The following NRCAM variants were observed in gnomAD, a reference collection of about 807,000 sequenced individuals.
The protein encoded by NRCAM is NgCAM-related cell adhesion molecule.
NRCAM carries 83 observed loss-of-function variants against 156.5 expected under a neutral mutation model. That is an observed-to-expected ratio of 0.53 (90% CI 0.44 to 0.64). The LOEUF is 0.64. Among genes scored for constraint, NRCAM ranks in the 30% least tolerant of loss-of-function variants. The probability of loss-of-function intolerance (pLI) is 0.00; values close to 1 mark genes in which losing one functional copy is unlikely to be tolerated. For synonymous variants in NRCAM, 538 were observed against 563.9 expected (o/e 0.95, Z 0.65); for missense variants, 1,417 against 1,597.3 (o/e 0.89, Z 1.92).
chr7:108,365,822 G>A (rs1046514560), intron 2 of NRCAM, among the ~76,000 whole-genome samples: 1 of 148,078 alleles, frequency 6.8e-6, no homozygotes, highest in Non-Finnish European at 1.5e-5. Flanking sequence ...TTATTTGTGG[G>A]ATTTTTTTGG....
chr7:108,436,929 G>C (rs1832919019), intron 1 of NRCAM, among the ~76,000 whole-genome samples: 1 of 152,148 alleles, frequency 6.6e-6, no homozygotes, highest in Non-Finnish European at 1.5e-5. Flanking sequence ...ATACCCAAAA[G>C]AAAGGAAATC....
chr7:108,236,385 G>C (rs2095004385), intron 5 of NRCAM, among the ~76,000 whole-genome samples: 1 of 151,984 alleles, frequency 6.6e-6, no homozygotes, highest in East Asian at 1.9e-4. Context: ...CCTTCCCTTT[G>C]GAATATCCCA....
chr7:108,281,725 T>C (rs1026476352), intron 3 of NRCAM, among the ~76,000 whole-genome samples: 2 of 152,172 alleles, frequency 1.3e-5, no homozygotes, highest in African/African-American at 4.8e-5. Context: ...ATGAGATGGC[T>C]GCCAAGCTTG....
At chr7:108,355,605 T>A (rs1297175457) in intron 2 of NRCAM, among the ~76,000 whole-genome samples, 2 of 152,234 alleles carry the variant, frequency 1.3e-5, no homozygotes, top group African/African-American at 4.8e-5. Flanking sequence ...TTAAATGGCA[T>A]GTCATTCTGA....
chr7:108,251,887 G>A (rs978510098), intron 3 of NRCAM, among the ~76,000 whole-genome samples: 2 of 152,162 alleles, frequency 1.3e-5, no homozygotes, highest in Admixed American at 6.5e-5. Context: ...TGGCAGAAGT[G>A]AGCTATGATT....
Position 108,198,028 on chromosome 7 carries a change from T to C in NRCAM, c.1279A>G (p.Ser427Gly), listed in dbSNP as rs1250692917. 1.9e-6 allele frequency: 3 copies of C among 1,602,540 alleles called. No homozygotes were observed. The change falls in exon 14 of 33, where the codon AGT becomes GGT. Residue 427 changes from serine (S) to glycine (G), a missense_variant. Physicochemically the swap from Ser to Gly is moderately conservative, Grantham distance 56 (BLOSUM62 0). Coordinates refer to ENST00000379028, the MANE Select transcript of NRCAM (RefSeq NM_001037132.4). Reference sequence around the variant, plus strand: ...GAGGCATTGCACTGATAGACTGCACTTGATCTTTCTTGAACATTTGAAAAA... The same window carrying C: ...GAGGCATTGCACTGATAGACTGCACCTGATCTTTCTTGAACATTTGAAAAA... ...IIFSNVQERSSAVYQCNASNE... is the reference protein window; with the variant it reads ...IIFSNVQERSGAVYQCNASNE...
At chr7:108,402,830 G>T (rs543220546) in intron 1 of NRCAM, among the ~76,000 whole-genome samples, 39 of 152,216 alleles carry the variant, frequency 2.6e-4, no homozygotes, top group Admixed American at 4.6e-4. Context: ...TTTGTGCAGA[G>T]ATACGCTAGA....
intron 2 of NRCAM, among the ~76,000 whole-genome samples, chr7:108,387,418 T>C (rs1369030115): frequency 6.6e-6 from 1 of 152,140 alleles, no homozygotes; most frequent in Non-Finnish European, 1.5e-5. Flanking sequence ...GGATTACTTA[T>C]AGGTAATTAC....
chr7:108,227,023 C>T (rs1589119674), intron 8 of NRCAM, among the ~76,000 whole-genome samples: 1 of 152,340 alleles, frequency 6.6e-6, no homozygotes, highest in East Asian at 1.9e-4. Context: ...ACCTCCTCTA[C>T]AATTCTTTTC....
intron 2 of NRCAM, among the ~76,000 whole-genome samples, chr7:108,339,464 TG>T (rs2099249494): frequency 6.6e-6 from 1 of 152,204 alleles, no homozygotes; most frequent in South Asian, 2.1e-4. Context: ...GAACTGTTTA[TG>T]GGACTGCATC....
intron 1 of NRCAM, among the ~76,000 whole-genome samples, chr7:108,417,746 C>CTT (rs1435856111): frequency 6.6e-6 from 1 of 152,070 alleles, no homozygotes; most frequent in African/African-American, 2.4e-5. Context: ...CTGCTCTTCT[C>CTT]TTTCTTTCTT....
At chr7:108,275,335 C>T (rs968008124) in intron 3 of NRCAM, among the ~76,000 whole-genome samples, 3 of 152,284 alleles carry the variant, frequency 2.0e-5, no homozygotes, top group East Asian at 1.9e-4. Context: ...CTTTGTACTT[C>T]TGGTAGAATT....
intron 1 of NRCAM, among the ~76,000 whole-genome samples, chr7:108,407,494 C>A (rs529626028): frequency 6.6e-6 from 1 of 152,204 alleles, no homozygotes; most frequent in African/African-American, 2.4e-5. Context: ...TTGTGATCAA[C>A]TGAACCGAGA....
chr7:108,432,397 G>C (rs1053879162), intron 1 of NRCAM, among the ~76,000 whole-genome samples: 1 of 152,146 alleles, frequency 6.6e-6, no homozygotes, highest in Admixed American at 6.5e-5. Flanking sequence ...GGATTTCTAC[G>C]AAACAGTAAG....
intron 4 of NRCAM, among the ~76,000 whole-genome samples, chr7:108,239,420 G>A (rs544548745): frequency 1.4e-4 from 21 of 152,254 alleles, no homozygotes; most frequent in African/African-American, 5.1e-4. Context: ...ATTCAAAATT[G>A]GAAAGTGAGA....
intron 5 of NRCAM, among the ~76,000 whole-genome samples, chr7:108,235,841 G>A (rs923650954): frequency 1.3e-5 from 2 of 152,138 alleles, no homozygotes; most frequent in African/African-American, 4.8e-5. Context: ...CATCCATAGT[G>A]CTGAGGCTGA....
chr7:108,358,423 C>T (rs567205598), intron 2 of NRCAM, among the ~76,000 whole-genome samples: 1 of 151,594 alleles, frequency 6.6e-6, no homozygotes, highest in South Asian at 2.1e-4. Context: ...AACCAAAAAA[C>T]CCCCAAAACT....
intron 5 of NRCAM, chr7:108,234,974 A>C: frequency 2.0e-6 from 1 of 499,378 alleles, no homozygotes; most frequent in South Asian, 1.8e-5. Flanking sequence ...CCTAATATTA[A>C]GACAGTTTCT....
intron 2 of NRCAM, among the ~76,000 whole-genome samples, chr7:108,398,221 C>T (rs1223670087): frequency 1.3e-5 from 2 of 152,088 alleles, no homozygotes; most frequent in African/African-American, 2.4e-5. Context: ...CCTAAATTCC[C>T]CTTCTGGCAT....
Sources: allele counts gnomAD v4.1 joint callset (sites outside exome capture counted in the v4.1 genomes callset), GRCh38; gene constraint gnomAD v4.1.1; transcripts MANE v1.5; gene names NCBI Gene and HGNC (gene_info 2026-07-23, HGNC 2026-07-21).